Variants in TH observed in about 807,000 individuals in gnomAD.
The protein encoded by TH is tyrosine 3-monooxygenase.
In TH, 49 loss-of-function variants were observed where a neutral mutation model predicts 57.4. The ratio of observed to expected loss-of-function variants is 0.85; its 90% CI spans 0.68 to 1.08. The LOEUF (loss-of-function observed/expected upper bound fraction) is 1.08. Ranked by LOEUF, TH falls within the 50% of genes least tolerant of loss-of-function variation. The pLI is 0.00. For missense variants in TH, 720 were observed against 696.7 expected (o/e 1.03, Z -0.38); for synonymous variants, 330 against 304.5 (o/e 1.08, Z -0.87).
In TH at chr11:2,167,456, G is replaced by C; in HGVS notation, c.674C>G (p.Thr225Ser). 1.3e-6 allele frequency: 2 copies of C among 1,564,098 alleles called. No individual in the cohort carries two copies. Among genetic ancestry groups the C allele is most frequent in the South Asian group, 1.2e-5 (1 of 84,992 alleles). ...TCACCAGGTGGCAATCTCCTCGGCGGTGTACTCCACACGGGGAATCGGGTC... is the reference window on the plus strand; with the variant it reads ...TCACCAGGTGGCAATCTCCTCGGCGCTGTACTCCACACGGGGAATCGGGTC... ...HGDPIPRVEY[T>S]AEEIATWKEV... Residue 225 changes from threonine to serine, a missense_variant, in exon 6 of 13, where the codon ACC becomes AGC. Physicochemically the swap from Thr to Ser is moderately conservative, Grantham distance 58. Coordinates refer to ENST00000352909, the MANE Select transcript of TH (RefSeq NM_000360.4).
chr11:2,166,008 C>T lies in TH; in HGVS notation c.1098G>A (p.Leu366=). The T allele has an allele frequency of 6.4e-7, 1 of 1,562,088 alleles. No homozygotes were observed. Reference sequence around the variant, plus strand: ...CAGGGAGGGGTCAACCCACCGTGGACAGCTTCTCAATTTCCTCATCCGAGG... The same window carrying T: ...CAGGGAGGGGTCAACCCACCGTGGATAGCTTCTCAATTTCCTCATCCGAGG... ...LGASDEEIEK[L]STLYWFTVEF... The change falls in exon 10 of 13, where the codon CTG becomes CTA. Residue 366 remains leucine, a synonymous_variant. Coordinates refer to ENST00000352909, the MANE Select transcript of TH (RefSeq NM_000360.4).
intron 3 of TH, 74 bp downstream of exon 3, chr11:2,168,417 C>T: frequency 6.3e-7 from 1 of 1,580,988 alleles, no homozygotes; most frequent in Non-Finnish European, 8.6e-7. Context: ...ACTGTAGGGT[C>T]CCCCTGCAGG....
At chr11:2,169,941 C>G (rs1846208777) in intron 1 of TH, 70 bp from the exon 2 acceptor site, 1 of 1,477,860 alleles carries the variant, frequency 6.8e-7, no homozygotes, top group East Asian at 2.4e-5. Flanking sequence ...CACAGCTGGT[C>G]CCACAGTCGG....
chr11:2,170,568 T>C lies in TH; in HGVS notation c.91-697A>G, dbSNP rs1267537168. The C allele has an allele frequency of 1.1e-6, 1 of 908,042 alleles. No homozygotes were observed. The highest frequency in any genetic ancestry group is 1.8e-6 in the Non-Finnish European group (1 of 567,772). The allele number at this position is 908,042 out of a possible 1,614,324, so 56.2% of individuals were successfully genotyped here. On this transcript the variant is annotated intron_variant, in intron 1 of 12. Transcript: ENST00000352909. The surrounding 1 kb of genome is among the most constrained non-coding windows in gnomAD (Gnocchi z 6.0). ...ACACCTGGGGCTCATCCCTTGGAGCTGAACTCCCAAGAAGGCTCTGGGCCC... is the reference window on the plus strand; with the variant it reads ...ACACCTGGGGCTCATCCCTTGGAGCCGAACTCCCAAGAAGGCTCTGGGCCC...
At position 2,171,684 on chromosome 11, in the gene TH, C is replaced by T. The variant is rs77140743; in HGVS notation, c.90+13G>A. The T allele has an allele frequency of 5.3e-5, 85 of 1,610,814 alleles. No individual in the cohort carries two copies. The highest frequency in any genetic ancestry group is 6.8e-5 in the Non-Finnish European group (80 of 1,179,656). On this transcript the variant is annotated intron_variant, in intron 1 of 12. Coordinates refer to ENST00000352909, the MANE Select transcript of TH (RefSeq NM_000360.4). This position sits in a 1 kb window ranked among gnomAD's most constrained non-coding sequence, Gnocchi z 8.6. ...GTCCACTGCGGCCGCCGGGCACCTA[C>T]CTGCCCTCTTACCATGATGGCCTCT... is the stretch of plus-strand genomic sequence containing the variant.
At chr11:2,168,409 T>C (rs1846160108) in intron 3 of TH, 82 bp downstream of exon 3, 3 of 1,576,614 alleles carry the variant, frequency 1.9e-6, no homozygotes, top group African/African-American at 2.7e-5. Context: ...ACGTGGTCAC[T>C]GTAGGGTCCC....
In TH at chr11:2,171,763, C is replaced by A; in HGVS notation, c.24G>T (p.Thr8=). The change falls in exon 1 of 13, where the codon ACG becomes ACT. Residue 8 remains threonine (T), a synonymous_variant. Coordinates refer to ENST00000352909, the MANE Select transcript of TH (RefSeq NM_000360.4). The surrounding 1 kb of genome is among the most constrained non-coding windows in gnomAD (Gnocchi z 8.6). MPTPDAT[T]PQAKGFRRAV... ...CCCTGCGGAAGCCCTTGGCCTGTGG[C>A]GTGGTGGCGTCGGGGGTGGGCATGG... 6.2e-7 allele frequency: 1 copy of A among 1,612,510 alleles called. No homozygotes were observed. The highest frequency in any genetic ancestry group is 8.5e-7 in the Non-Finnish European group (1 of 1,179,790).
At position 2,170,795 on chromosome 11, in the gene TH, A is replaced by G; in HGVS notation, c.90+902T>C. The G allele has an allele frequency of 7.7e-6, 3 of 387,932 alleles. No homozygotes were observed. The highest frequency in any genetic ancestry group is 5.3e-5 in the South Asian group (1 of 18,774). The allele number at this position is 387,932 out of a possible 1,614,324, so 24.0% of individuals were successfully genotyped here. ...CCTGGGGAGGGGATGCCTGATGGGG[A>G]GCCTGGTGGGGGAGGGTAGGGGAGG... On this transcript the variant is annotated intron_variant, in intron 1 of 12. Coordinates refer to ENST00000352909, the MANE Select transcript of TH (RefSeq NM_000360.4). This position sits in a 1 kb window ranked among gnomAD's most constrained non-coding sequence, Gnocchi z 6.0.
intron 2 of TH, 115 bp downstream of exon 2, chr11:2,169,535 C>A: frequency 9.8e-7 from 1 of 1,017,534 alleles, no homozygotes; most frequent in South Asian, 1.3e-5. Flanking sequence ...GCATCCTGTG[C>A]CGGCCTCGGG....
At position 2,171,659 on chromosome 11, in the gene TH, G is replaced by A; in HGVS notation, c.90+38C>T. On this transcript the variant is annotated intron_variant, in intron 1 of 12. Transcript: ENST00000352909. This position sits in a 1 kb window ranked among gnomAD's most constrained non-coding sequence, Gnocchi z 8.6. Reference sequence around the variant, plus strand: ...CAGCTGGCACCAGCCCTGGGCTCCGGTCCACTGCGGCCGCCGGGCACCTAC... The same window carrying A: ...CAGCTGGCACCAGCCCTGGGCTCCGATCCACTGCGGCCGCCGGGCACCTAC... 1 of 1,603,750 alleles carries A rather than the reference G, an allele frequency of 6.2e-7. No homozygotes were observed.
In TH at chr11:2,168,094, G is replaced by A. The variant is rs1482618767; in HGVS notation, c.573C>T (p.His191=). The A allele has an allele frequency of 6.2e-7, 1 of 1,613,360 alleles. No homozygotes were observed. The highest frequency in any genetic ancestry group is 1.7e-5 in the Admixed American group (1 of 60,002). Reference sequence around the variant, plus strand: ...GAGTGAGGGGCGCACCACTCACCGGGTGGTCCAAGTCCAGGTCAGGGTCGA... The same window carrying A: ...GAGTGAGGGGCGCACCACTCACCGGATGGTCCAAGTCCAGGTCAGGGTCGA... The part of the protein sequence containing the change: ...TKFDPDLDLD[H]PGFSDQVYRQ... Residue 191 remains histidine, a synonymous_variant, in exon 4 of 13, where the codon CAC becomes CAT. Transcript: ENST00000352909.
In TH at chr11:2,168,568, C is replaced by G. The variant is rs768153273; in HGVS notation, c.410G>C (p.Arg137Pro). The G allele has an allele frequency of 6.2e-7, 1 of 1,611,830 alleles. No individual in the cohort carries two copies. The highest frequency in any genetic ancestry group is 8.5e-7 in the Non-Finnish European group (1 of 1,179,670). Residue 137 changes from arginine (R) to proline (P), a missense_variant, in exon 3 of 13, where the codon CGC becomes CCC. Arg to Pro is a moderately radical substitution (Grantham distance 103, BLOSUM62 -2). Coordinates refer to ENST00000352909, the MANE Select transcript of TH (RefSeq NM_000360.4). ...HLEYFVRLEVRRGDLAALLSG... is the reference protein window; with the variant it reads ...HLEYFVRLEVPRGDLAALLSG... ...GAGCAGGGCGGCCAGGTCCCCTCGG[C>G]GCACCTCGAGGCGCACGAAGTACTC...
chr11:2,166,056 G>A lies in TH; in HGVS notation c.1050C>T (p.Asp350=), dbSNP rs1421783815. 1.4e-5 allele frequency: 22 copies of A among 1,555,174 alleles called. No homozygotes were observed. The highest frequency in any genetic ancestry group is 9.8e-5 in the Admixed American group (5 of 51,142). ...AGGCCCCCAGGGACGCCAGGCCAAT[G>A]TCCTGTGGAGCAGGGAGGATGAAGG... The part of the protein sequence containing the change: ...ADRTFAQFSQ[D]IGLASLGASD... The change falls in exon 10 of 13, where the codon GAC becomes GAT. Residue 350 remains aspartate (D), a splice_region_variant and synonymous_variant. Coordinates refer to ENST00000352909, the MANE Select transcript of TH (RefSeq NM_000360.4).
chr11:2,166,961 G>C lies in TH; in HGVS notation c.767C>G (p.Ala256Gly), dbSNP rs757377732. The C allele has an allele frequency of 1.3e-6, 2 of 1,595,596 alleles. No homozygotes were observed. The highest frequency in any genetic ancestry group is 1.7e-6 in the Non-Finnish European group (2 of 1,171,916). The change falls in exon 7 of 13, where the codon GCT (alanine) becomes GGT (glycine). Residue 256 changes from alanine (A) to glycine (G), a missense_variant. Physicochemically the swap from Ala to Gly is moderately conservative, Grantham distance 60. Transcript: ENST00000352909. ...GTAGCCGCTGAAGCGCTCCAGCAAA[G>C]CAAAGGCCTCCAGGTGCTCCCCGCA... Reference protein sequence around the residue: ...HACGEHLEAFALLERFSGYRE... With the variant: ...HACGEHLEAFGLLERFSGYRE...
intron 12 of TH, 92 bp downstream of exon 12, chr11:2,165,140 C>G (rs1846051331): frequency 1.9e-6 from 3 of 1,596,080 alleles, no homozygotes; most frequent in Admixed American, 1.7e-5. Flanking sequence ...GACCTGGGCT[C>G]ACAGGTCCAG....
intron 12 of TH, among the ~76,000 whole-genome samples, chr11:2,164,929 G>T (rs3842722): frequency 6.6e-6 from 1 of 152,090 alleles, no homozygotes; most frequent in Non-Finnish European, 1.5e-5. Context: ...CCATCCCAGG[G>T]CAGGGGGCCG....
Position 2,166,646 on chromosome 11 carries a change from G to A in TH, c.964C>T (p.His322Tyr). 6.3e-7 allele frequency: 1 copy of A among 1,578,218 alleles called. No individual in the cohort carries two copies. The highest frequency in any genetic ancestry group is 1.9e-5 in the Admixed American group (1 of 53,998). ...QYIRHASSPMHSPEPDCCHEL... is the reference protein window; with the variant it reads ...QYIRHASSPMYSPEPDCCHEL... ...GCGCGCACTCACGGCTCAGGGGAGTGCATGGGCGAGGACGCGTGGCGGATA... is the reference window on the plus strand; with the variant it reads ...GCGCGCACTCACGGCTCAGGGGAGTACATGGGCGAGGACGCGTGGCGGATA... Residue 322 changes from histidine (H) to tyrosine (Y), a missense_variant, in exon 8 of 13, where the codon CAC becomes TAC. Physicochemically the swap from His to Tyr is moderately conservative, Grantham distance 83. Coordinates refer to ENST00000352909, the MANE Select transcript of TH (RefSeq NM_000360.4).
chr11:2,165,998 C>A lies in TH; in HGVS notation c.1104+4G>T, dbSNP rs747560095. On this transcript the variant is annotated splice_donor_region_variant and intron_variant, in intron 10 of 12. Coordinates refer to ENST00000352909, the MANE Select transcript of TH (RefSeq NM_000360.4). ...CCAGGCCCTGCAGGGAGGGGTCAAC[C>A]CACCGTGGACAGCTTCTCAATTTCC... The A allele has an allele frequency of 2.5e-5, 39 of 1,561,110 alleles. No homozygotes were observed. The Middle Eastern group carries it at 6.7e-4, about 27-fold the overall frequency.
chr11:2,164,949 C>A (rs1207790075), intron 12 of TH, among the ~76,000 whole-genome samples: 1 of 152,144 alleles, frequency 6.6e-6, no homozygotes, highest in Non-Finnish European at 1.5e-5. Flanking sequence ...GGGACAGGTT[C>A]CACAGGACGT....
Sources: allele counts gnomAD v4.1 joint callset (sites outside exome capture counted in the v4.1 genomes callset), GRCh38; gene constraint gnomAD v4.1.1; non-coding constraint Gnocchi (gnomAD v3.1); transcripts MANE v1.5; gene names NCBI Gene and HGNC (gene_info 2026-07-23, HGNC 2026-07-21).